The following NEMF variants were observed in gnomAD, a reference collection of about 807,000 sequenced individuals.
NEMF encodes ribosome quality control complex subunit NEMF.
NEMF carries 89 observed loss-of-function variants against 162.2 expected under a neutral mutation model. That is an observed-to-expected ratio of 0.55 (90% confidence interval 0.46 to 0.65). The LOEUF (loss-of-function observed/expected upper bound fraction) is 0.65, where lower values mean the gene tolerates loss of function less well. NEMF is among the 30% of genes least tolerant of loss of function. The probability of loss-of-function intolerance (pLI) is 0.00; values close to 1 mark genes in which losing one functional copy is unlikely to be tolerated. For missense variants in NEMF, 1,133 were observed against 1,261.9 expected (o/e 0.90, Z 1.55); for synonymous variants, 421 against 404.5 (o/e 1.04, Z -0.49).
chr14:49,793,262 G>T (rs1381346505), intron 26 of NEMF, among the ~76,000 whole-genome samples: 3 of 152,168 alleles, frequency 2.0e-5, no homozygotes, highest in Admixed American at 1.3e-4. Context: ...ATAATTTGCA[G>T]ACGATATGAC....
At chr14:49,804,647 C>T (rs1891105493) in intron 19 of NEMF, among the ~76,000 whole-genome samples, 1 of 143,496 alleles carries the variant, frequency 7.0e-6, no homozygotes, top group African/African-American at 2.6e-5. Context: ...GCCTGGGTGA[C>T]AGAGCAACAT....
intron 28 of NEMF, among the ~76,000 whole-genome samples, chr14:49,787,487 A>G (rs766918020): frequency 9.9e-5 from 15 of 152,172 alleles, no homozygotes; most frequent in Non-Finnish European, 1.8e-4. Context: ...GGAGTTCGAC[A>G]CCAGCCTGGG....
chr14:49,839,428 A>C (rs1280001291), intron 5 of NEMF: 1 of 152,190 alleles, frequency 6.6e-6, no homozygotes, highest in Non-Finnish European at 1.5e-5. Context: ...AAGCAGTGGG[A>C]GTGGAGAAGG....
intron 19 of NEMF, 69 bp from the exon 20 acceptor site, chr14:49,803,363 G>T: frequency 8.8e-7 from 1 of 1,136,976 alleles, no homozygotes. Flanking sequence ...TCCACTTGAG[G>T]AGAAAGTAAA....
intron 7 of NEMF, among the ~76,000 whole-genome samples, chr14:49,833,757 T>C (rs1189673423): frequency 6.6e-6 from 1 of 152,224 alleles, no homozygotes; most frequent in African/African-American, 2.4e-5. Context: ...ATAAACTAAA[T>C]TCCCATATTA....
chr14:49,807,914 G>T (rs1891297380), intron 18 of NEMF, among the ~76,000 whole-genome samples: 1 of 151,772 alleles, frequency 6.6e-6, no homozygotes, highest in Non-Finnish European at 1.5e-5. Flanking sequence ...GGTATCTTGT[G>T]ATTTTGATTT....
intron 26 of NEMF, among the ~76,000 whole-genome samples, chr14:49,790,159 A>T (rs886635826): frequency 4.6e-5 from 7 of 152,232 alleles, no homozygotes; most frequent in African/African-American, 1.7e-4. Flanking sequence ...TTGTGTCCCT[A>T]AACAGGACAC....
rs142290871 is a variant in NEMF, at chr14:49,802,465, T to C, written c.2083A>G (p.Met695Val). ...SCTSELISEE[M>V]EQLDGGDTSS... ...ATCTATAAACTACCTAATTGTTCCA[T>C]TTCTTCTGATATGAGTTCACTTGTA... The change falls in exon 22 of 33, where the codon ATG becomes GTG. Residue 695 changes from methionine (M) to valine (V), a missense_variant. By Grantham distance (21) the Met-to-Val change is conservative. Transcript: ENST00000298310. 159 of 1,613,202 alleles carry C rather than the reference T, an allele frequency of 9.9e-5. No homozygotes were observed. Among genetic ancestry groups the C allele is most frequent in the Non-Finnish European group, 1.2e-4 (144 of 1,179,730 alleles).
intron 22 of NEMF, chr14:49,800,920 C>A (rs750303504): frequency 2.7e-5 from 13 of 477,448 alleles, no homozygotes; most frequent in Non-Finnish European, 4.8e-5. Flanking sequence ...CAATAAATTT[C>A]TTGGACATTG....
chr14:49,810,131 G>A (rs570462572), intron 18 of NEMF, among the ~76,000 whole-genome samples: 1 of 152,228 alleles, frequency 6.6e-6, no homozygotes, highest in African/African-American at 2.4e-5. Context: ...CACTTTGGGA[G>A]GCTGAGGCGG....
intron 26 of NEMF, among the ~76,000 whole-genome samples, chr14:49,793,369 C>T (rs1188116869): frequency 6.6e-6 from 1 of 152,142 alleles, no homozygotes; most frequent in African/African-American, 2.4e-5. Context: ...CAGCAAGTAA[C>T]AGCTAGGAAA....
intron 7 of NEMF, chr14:49,834,112 T>C (rs1042051865): frequency 1.7e-6 from 1 of 572,446 alleles, no homozygotes; most frequent in Non-Finnish European, 3.3e-6. Flanking sequence ...TTTTTTGAGA[T>C]GGGGGTCTCA....
At chr14:49,812,048 T>C (rs1891504093) in intron 18 of NEMF, among the ~76,000 whole-genome samples, 1 of 152,186 alleles carries the variant, frequency 6.6e-6, no homozygotes. Flanking sequence ...GGGTTTTCTT[T>C]GATGAGTATT....
Position 49,828,668 on chromosome 14 carries a change from G to C in NEMF, c.1372C>G (p.Pro458Ala), listed in dbSNP as rs376060040. 6.3e-7 allele frequency: 1 copy of C among 1,597,318 alleles called. No homozygotes were observed. The highest frequency in any genetic ancestry group is 2.3e-5 in the East Asian group (1 of 44,412). ...KQLQKPQKNK[P>A]LLVDVDLSLS... ...CTGAGATCAACATCTACAAGTAAGG[G>C]CTTATTTTTCTGAGGCTTCTGCAGC... Residue 458 changes from proline (P) to alanine (A), a missense_variant, in exon 14 of 33, where the codon CCC becomes GCC. Physicochemically the swap from Pro to Ala is conservative, Grantham distance 27. This residue lies in a region of NEMF where 582 missense variants were observed against 631.5 expected (regional missense o/e 0.92). Coordinates refer to ENST00000298310, the MANE Select transcript of NEMF (RefSeq NM_004713.6).
chr14:49,845,124 G>C (rs1212649536), intron 4 of NEMF, among the ~76,000 whole-genome samples: 1 of 149,448 alleles, frequency 6.7e-6, no homozygotes, highest in African/African-American at 2.5e-5. Flanking sequence ...ACAAAGTCTT[G>C]CTCCGTTGCC....
Position 49,814,803 on chromosome 14 carries a change from T to C in NEMF, c.1632A>G (p.Gly544=). Reference sequence around the variant, plus strand: ...TTATTTCATTCTGTTGCTGATCTCGTCCACCTATAATTAGATAGTTCTCTG... The same window carrying C: ...TTATTTCATTCTGTTGCTGATCTCGCCCACCTATAATTAGATAGTTCTCTG... ...ISSENYLIIG[G]RDQQQNEIIV... Residue 544 remains glycine (G), a synonymous_variant, in exon 17 of 33, where the codon GGA becomes GGG. Transcript: ENST00000298310. 1.3e-6 allele frequency: 2 copies of C among 1,596,506 alleles called. No individual in the cohort carries two copies. The highest frequency in any genetic ancestry group is 1.1e-5 in the South Asian group (1 of 87,454).
chr14:49,826,490 A>G (rs1401386333), intron 15 of NEMF, among the ~76,000 whole-genome samples: 1 of 150,866 alleles, frequency 6.6e-6, no homozygotes, highest in Non-Finnish European at 1.5e-5. Context: ...CTGAATCCTC[A>G]ACGACTAACG....
chr14:49,806,511 C>T (rs1358034331), intron 18 of NEMF, among the ~76,000 whole-genome samples: 5 of 151,082 alleles, frequency 3.3e-5, no homozygotes, highest in Non-Finnish European at 5.9e-5. Context: ...CCACCCACCT[C>T]GGCCTCCCAG....
At chr14:49,833,347 G>T in intron 8 of NEMF, 76 bp downstream of exon 8, 3 of 792,238 alleles carry the variant, frequency 3.8e-6, no homozygotes, top group Non-Finnish European at 6.0e-6. Flanking sequence ...TATATATAAT[G>T]ATCCTTTAAT....
Sources: allele counts gnomAD v4.1 joint callset (sites outside exome capture counted in the v4.1 genomes callset), GRCh38; gene constraint gnomAD v4.1.1; regional missense constraint gnomAD v4.1.1; transcripts MANE v1.5; gene names NCBI Gene and HGNC (gene_info 2026-07-23, HGNC 2026-07-21).